The following ZNF274 variants were observed in gnomAD, a reference collection of about 807,000 sequenced individuals.
ZNF274 encodes the protein zinc finger protein 274, also known as neurotrophin receptor-interacting factor homolog.
In ZNF274, 23 loss-of-function variants were observed where a neutral mutation model predicts 42.5. The ratio of observed to expected loss-of-function variants is 0.54; its 90% CI spans 0.39 to 0.77. The LOEUF (loss-of-function observed/expected upper bound fraction) is 0.77, where lower values mean the gene tolerates loss of function less well. Ranked by LOEUF, ZNF274 falls within the 30% of genes least tolerant of loss-of-function variation. The probability of loss-of-function intolerance (pLI) is 0.00; values close to 1 mark genes in which losing one functional copy is unlikely to be tolerated. For missense variants in ZNF274, 679 were observed against 806.5 expected (o/e 0.84, Z 1.91); for synonymous variants, 292 against 305.4 (o/e 0.96, Z 0.46).
At chr19:58,202,443 C>G (rs1002562220) in intron 4 of ZNF274, 5 of 152,236 alleles carry the variant, frequency 3.3e-5, no homozygotes, top group African/African-American at 1.2e-4. Flanking sequence ...AGAAGTTAAT[C>G]TCTCTTGATT....
intron 4 of ZNF274, among the ~76,000 whole-genome samples, chr19:58,200,924 T>C (rs1033013842): frequency 6.6e-6 from 1 of 151,820 alleles, no homozygotes; most frequent in Non-Finnish European, 1.5e-5. Flanking sequence ...TTTTTACTCA[T>C]GGTGGAAGGC....
At position 58,207,443 on chromosome 19, in the gene ZNF274, C is replaced by T. The variant is rs1478594426; in HGVS notation, c.739+241C>T. 6.6e-6 allele frequency among the ~76,000 whole-genome samples: 1 copy of T among 152,126 alleles called. No homozygotes were observed. The highest frequency in any genetic ancestry group is 2.4e-5 in the African/African-American group (1 of 41,416). ...ACAGATGAAGTGCTTCATTTTTATC[C>T]CTCTGGCATCCCTGCTGCACCATAA... On this transcript the variant is annotated intron_variant, in intron 5 of 7. Transcript: ENST00000617501. The surrounding 1 kb of genome is among the most constrained non-coding windows in gnomAD (Gnocchi z 5.6).
chr19:58,184,336 C>T (rs760593244), intron 2 of ZNF274: 5 of 231,808 alleles, frequency 2.2e-5, no homozygotes, highest in Admixed American at 1.1e-4. Context: ...GTCGCCCAGG[C>T]TGGAGTGCAG....
At chr19:58,205,184 G>A (rs2075967511) in intron 4 of ZNF274, among the ~76,000 whole-genome samples, 1 of 152,176 alleles carries the variant, frequency 6.6e-6, no homozygotes, top group South Asian at 2.1e-4. Context: ...CTGTGGCTTT[G>A]CTAGTTCATG....
At chr19:58,188,724 A>ATATATATATATATAT in intron 4 of ZNF274, among the ~76,000 whole-genome samples, 1 of 128,650 alleles carries the variant, frequency 7.8e-6, no homozygotes, top group African/African-American at 2.9e-5. Flanking sequence ...ATATATATAT[A>ATATATATATATATAT]AATCTTTAAA....
intron 4 of ZNF274, among the ~76,000 whole-genome samples, chr19:58,205,164 T>G (rs2075967319): frequency 6.6e-6 from 1 of 152,206 alleles, no homozygotes; most frequent in African/African-American, 2.4e-5. Flanking sequence ...AAAGTAGCTG[T>G]GGTTCCTTGC....
chr19:58,185,721 A>G lies in ZNF274; in HGVS notation c.43A>G (p.Thr15Ala). The stretch of plus-strand genomic sequence containing the variant: ...GAATCTGGATTTTTAGGAACCAGTG[A>G]CCTTTGAAGATGTAACACTGGGTTT... The part of the protein sequence containing the change: ...LPTAWSCEPV[T>A]FEDVTLGFTP... Residue 15 changes from threonine (T) to alanine (A), a missense_variant, in exon 3 of 8, where the codon ACC (threonine) becomes GCC (alanine). Thr to Ala is a moderately conservative substitution (Grantham distance 58). Around this residue, in one of 2 missense-constraint regions of ZNF274, gnomAD observed 223 missense variants for 216.4 expected, o/e 1.03. Transcript: ENST00000617501. The G allele has an allele frequency of 6.9e-7, 1 of 1,444,072 alleles. No individual in the cohort carries two copies. Among genetic ancestry groups the G allele is most frequent in the South Asian group, 1.6e-5 (1 of 63,954 alleles). 89.5% of individuals were successfully genotyped at this position (1,444,072 alleles called of 1,614,324 possible).
intron 4 of ZNF274, 83 bp downstream of exon 4, chr19:58,187,125 A>G: frequency 3.3e-6 from 4 of 1,201,786 alleles, no homozygotes; most frequent in South Asian, 1.3e-5. Flanking sequence ...AGCAGTAGAC[A>G]TTGGGATACC....
rs3786492 is a variant in ZNF274 at position 58,205,399 on chromosome 19, C to G, written c.257-1321C>G. 1.6e-3 allele frequency among the ~76,000 whole-genome samples: 251 copies of G among 152,260 alleles called. 5 individuals carry two copies. In the East Asian group the frequency reaches 0.035, roughly 21 times the overall value. On this transcript the variant is annotated intron_variant, in intron 4 of 7. Transcript: ENST00000617501. ...AGGCTTGGTAGCCAAGGCTGGAGTG[C>G]AGTGGTGCAATCATAGATAACTGTA...
chr19:58,209,943 G>A lies in ZNF274; in HGVS notation c.740-18G>A, dbSNP rs1301071700. The A allele has an allele frequency of 1.2e-6, 2 of 1,600,790 alleles. No individual in the cohort carries two copies. The highest frequency in any genetic ancestry group is 8.5e-7 in the Non-Finnish European group (1 of 1,172,898). On this transcript the variant is annotated intron_variant, in intron 5 of 7. Transcript: ENST00000617501. ...TCCCCACACCTGCTGACCTCCTCTG[G>A]CTGGTGTCTCCTCCCAGTACTTCCT...
At chr19:58,204,396 C>T (rs931153905) in intron 4 of ZNF274, among the ~76,000 whole-genome samples, 1 of 152,048 alleles carries the variant, frequency 6.6e-6, no homozygotes, top group Non-Finnish European at 1.5e-5. Context: ...GGCGTCGACC[C>T]ATTTCGTCGG....
At chr19:58,186,348 T>C (rs2075698595) in intron 3 of ZNF274, among the ~76,000 whole-genome samples, 1 of 151,536 alleles carries the variant, frequency 6.6e-6, no homozygotes, top group South Asian at 2.1e-4. Context: ...GGTCAGGAGT[T>C]CTAGACCAAC....
chr19:58,189,831 T>A (rs1393435631), intron 4 of ZNF274, among the ~76,000 whole-genome samples: 1 of 152,066 alleles, frequency 6.6e-6, no homozygotes, highest in Non-Finnish European at 1.5e-5. Context: ...AATTCTTTGA[T>A]CTTTTTTGGC....
intron 4 of ZNF274, among the ~76,000 whole-genome samples, chr19:58,188,683 T>C (rs1662927206): frequency 1.6e-5 from 1 of 61,006 alleles, no homozygotes; most frequent in Non-Finnish European, 2.8e-5. Flanking sequence ...TGTGTATATA[T>C]ATATGTATAT....
In ZNF274 at chr19:58,212,628, G is replaced by C. The variant is rs373796607; in HGVS notation, c.1447G>C (p.Gly483Arg). The change falls in exon 8 of 8, where the codon GGT becomes CGT. Residue 483 changes from glycine (G) to arginine (R), a missense_variant. This residue lies in a region of ZNF274 where 456 missense variants were observed against 590.1 expected (regional missense o/e 0.77). Coordinates refer to ENST00000617501, the MANE Select transcript of ZNF274 (RefSeq NM_133502.3). This position sits in a 1 kb window ranked among gnomAD's most constrained non-coding sequence, Gnocchi z 4.6. ...AAGGCAAAAGGCCAAGGAAGGCAAT[G>C]GTTGTAGGAAAACCTTCAGTCGGAG... ...CERQKAKEGN[G>R]CRKTFSRSTK... is the part of the protein sequence containing the mutation. 3 of 1,613,914 alleles carry C rather than the reference G, an allele frequency of 1.9e-6. No individual in the cohort carries two copies. The highest frequency in any genetic ancestry group is 1.3e-5 in the African/African-American group (1 of 74,934).
rs200982136 is a variant in ZNF274 at position 58,188,658 on chromosome 19, ATG to A, written c.256+1634_256+1635del. ...ATATATATATATATGTAAAAAATAGATGTGTGTGTGTGTGTGTGTATATATAT... is the reference window on the plus strand; with the variant it reads ...ATATATATATATATGTAAAAAATAGATGTGTGTGTGTGTGTGTATATATAT... On this transcript the variant is annotated intron_variant, in intron 4 of 7. Transcript: ENST00000617501. 4.8e-3 allele frequency among the ~76,000 whole-genome samples: 496 copies of A among 102,894 alleles called. 3 individuals carry two copies. The highest frequency in any genetic ancestry group is 6.6e-3 in the Non-Finnish European group (371 of 56,034). The allele number at this position is 102,894 out of a possible 152,430, so 67.5% of individuals were successfully genotyped here.
intron 5 of ZNF274, 55 bp from the exon 6 acceptor site, chr19:58,209,906 C>A (rs1043812093): frequency 4.4e-6 from 6 of 1,377,214 alleles, no homozygotes; most frequent in Non-Finnish European, 6.0e-6. Context: ...CCACCCTTGC[C>A]CTGCCTAAGG....
chr19:58,213,018 C>T lies in ZNF274; in HGVS notation c.1837C>T (p.His613Tyr). Residue 613 changes from histidine to tyrosine, a missense_variant, in exon 8 of 8, where the codon CAC (histidine) becomes TAC (tyrosine). Physicochemically the swap from His to Tyr is moderately conservative, Grantham distance 83. Coordinates refer to ENST00000617501, the MANE Select transcript of ZNF274 (RefSeq NM_133502.3). ...CCACCTCATCAGACATCAGAGGACT[C>T]ACACCGGGGAGCGCCCATATGCATG... ...SSHLIRHQRT[H>Y]TGERPYACNK... The T allele has an allele frequency of 2.5e-6, 4 of 1,613,992 alleles. No homozygotes were observed. The highest frequency in any genetic ancestry group is 3.4e-6 in the Non-Finnish European group (4 of 1,179,906).
Position 58,210,155 on chromosome 19 carries a change from G to A in ZNF274, c.852+82G>A, listed in dbSNP as rs541143119. ...CCCCTGAGGCATCCACTCTGCCCTG[G>A]GCTTTCCTAAGACCTCCCACAGGCT... is the stretch of plus-strand genomic sequence containing the variant. On this transcript the variant is annotated intron_variant, in intron 6 of 7. Coordinates refer to ENST00000617501, the MANE Select transcript of ZNF274 (RefSeq NM_133502.3). 45 of 1,152,276 alleles carry A rather than the reference G, an allele frequency of 3.9e-5. 1 individual carries two copies. The South Asian group carries it at 6.0e-4, about 15-fold the overall frequency. 71.4% of individuals were successfully genotyped at this position (1,152,276 alleles called of 1,614,324 possible). A position where few individuals can be genotyped will look rare whatever the true frequency, so the allele number is the denominator to read the frequency against.
Sources: gnomAD v4.1 joint callset for allele counts (sites outside exome capture counted in the v4.1 genomes callset) on GRCh38, gnomAD v4.1.1 for gene constraint, gnomAD v4.1.1 regional missense constraint, Gnocchi (gnomAD v3.1) non-coding constraint, MANE v1.5 for transcripts, NCBI Gene and HGNC (gene_info 2026-07-23, HGNC 2026-07-21) for gene names.